FAT4: variants seen among roughly 807,000 people sequenced by gnomAD.
FAT4 encodes FAT atypical cadherin 4.
FAT4 carries 84 observed loss-of-function variants against 303.9 expected under a neutral mutation model. That is an observed-to-expected ratio of 0.28 (90% CI 0.23 to 0.33). The LOEUF (loss-of-function observed/expected upper bound fraction) is 0.33, where lower values mean the gene tolerates loss of function less well. FAT4 is among the 10% of genes least tolerant of loss of function. The probability of loss-of-function intolerance (pLI) is 1.00; values close to 1 mark genes in which losing one functional copy is unlikely to be tolerated. For synonymous variants in FAT4, 2,307 were observed against 2,298.8 expected (o/e 1.00, Z -0.10); for missense variants, 6,005 against 6,146.8 (o/e 0.98, Z 0.77).
intron 7 of FAT4, among the ~76,000 whole-genome samples, chr4:125,419,478 T>TA (rs1335558102): frequency 6.6e-6 from 1 of 152,216 alleles, no homozygotes; most frequent in Non-Finnish European, 1.5e-5. Context: ...GCTGGGGTAG[T>TA]ATGATAGCTT....
rs1374779549 is a variant in FAT4, at chr4:125,317,772, C to A, written c.1361C>A (p.Ala454Glu). The A allele has an allele frequency of 1.9e-6, 3 of 1,614,168 alleles. No individual in the cohort carries two copies. The highest frequency in any genetic ancestry group is 1.6e-4 in the Middle Eastern group (1 of 6,062). ...GCGCCCCCTGGCGCAGCAGTCCAGG[C>A]GCGCTCTTCTGTGGCAAGCCTGGTG... ...YGAPPGAAVQ[A>E]RSSVASLVIF... The change falls in exon 2 of 18, where the codon GCG becomes GAG. Residue 454 changes from alanine (A) to glutamate (E), a missense_variant. Transcript: ENST00000394329. This position sits in a 1 kb window ranked among gnomAD's most constrained non-coding sequence, Gnocchi z 7.0.
chr4:125,321,626 T>A, intron 2 of FAT4, 40 bp downstream of exon 2: 1 of 1,525,434 alleles, frequency 6.6e-7, no homozygotes, highest in South Asian at 1.3e-5. Flanking sequence ...TTGATTTGCT[T>A]TTTAGAAAAA....
At chr4:125,477,857 A>G (rs1727086287) in intron 14 of FAT4, among the ~76,000 whole-genome samples, 1 of 152,160 alleles carries the variant, frequency 6.6e-6, no homozygotes, top group African/African-American at 2.4e-5. Context: ...GATGTTAGAA[A>G]TTACATATTT....
intron 3 of FAT4, among the ~76,000 whole-genome samples, chr4:125,400,822 T>C (rs931174887): frequency 9.9e-5 from 15 of 152,010 alleles, no homozygotes; most frequent in Non-Finnish European, 1.5e-5. Flanking sequence ...GAAGTACTTT[T>C]GAGATGAGAC....
Position 125,434,249 on chromosome 4 carries a change from C to T in FAT4, c.7023C>T (p.Ser2341=). Residue 2341 remains serine, a synonymous_variant, in exon 8 of 18, where the codon TCC becomes TCT. Transcript: ENST00000394329. The part of the protein sequence containing the change: ...VLMITATDSG[S]PALTGTGTIN... ...TTGATTTTCTTTTCTTTTTAGGATC[C>T]CCTGCCTTGACTGGAACTGGAACAA... The T allele has an allele frequency of 6.2e-7, 1 of 1,608,760 alleles. No homozygotes were observed. The highest frequency in any genetic ancestry group is 8.5e-7 in the Non-Finnish European group (1 of 1,177,354).
At chr4:125,463,805 T>C (rs551538315) in intron 11 of FAT4, 138 bp downstream of exon 11, 39 of 515,198 alleles carry the variant, frequency 7.6e-5, no homozygotes, top group Middle Eastern at 5.4e-4. Flanking sequence ...AAATCTTAAA[T>C]GTTTAACATT....
chr4:125,319,323 TG>T lies in FAT4; in HGVS notation c.2915del (p.Gly972ValfsTer11). Reference protein sequence around the residue: ...SYQIEILASDMGVPQLSSSVI... With the variant: ...SYQIEILASDXGVPQLSSSVI... ...CAAATAGAGATCTTGGCATCTGACA[TG>T]GGTGTCCCACAGCTCTCCTCTAGTG... On this transcript the variant is annotated frameshift_variant, in exon 2 of 18. Coordinates refer to ENST00000394329, the MANE Select transcript of FAT4 (RefSeq NM_001291303.3). LOFTEE classifies it high-confidence loss of function. 1 of 1,614,008 alleles carries T rather than the reference TG, an allele frequency of 6.2e-7. No individual in the cohort carries two copies. The highest frequency in any genetic ancestry group is 8.5e-7 in the Non-Finnish European group (1 of 1,179,954).
intron 2 of FAT4, among the ~76,000 whole-genome samples, chr4:125,321,983 C>G (rs1730973115): frequency 6.6e-6 from 1 of 152,124 alleles, no homozygotes; most frequent in African/African-American, 2.4e-5. Context: ...AAATGAAGAG[C>G]TTTGGTAGGA....
At chr4:125,325,022 A>C (rs1371493766) in intron 2 of FAT4, among the ~76,000 whole-genome samples, 1 of 152,058 alleles carries the variant, frequency 6.6e-6, no homozygotes, top group Admixed American at 6.6e-5. Flanking sequence ...TGGGCAATAT[A>C]TTGCAATATG....
intron 2 of FAT4, among the ~76,000 whole-genome samples, chr4:125,353,291 A>G (rs1732301652): frequency 6.6e-6 from 1 of 151,806 alleles, no homozygotes; most frequent in Non-Finnish European, 1.5e-5. Flanking sequence ...CCAAAACATT[A>G]CTTCATCACA....
chr4:125,487,534 G>T lies in FAT4; in HGVS notation c.13012G>T (p.Gly4338Cys). Reference protein sequence around the residue: ...RDIIHPTQDFGGLDVLTISLG... With the variant: ...RDIIHPTQDFCGLDVLTISLG... Reference sequence around the variant, plus strand: ...TATTATCCACCCTACTCAGGACTTCGGTGGCCTTGATGTGCTTACTATATC... The same window carrying T: ...TATTATCCACCCTACTCAGGACTTCTGTGGCCTTGATGTGCTTACTATATC... Residue 4338 changes from glycine (G) to cysteine (C), a missense_variant, in exon 17 of 18, where the codon GGT becomes TGT. By Grantham distance (159) the Gly-to-Cys change is radical. Coordinates refer to ENST00000394329, the MANE Select transcript of FAT4 (RefSeq NM_001291303.3). 1 of 1,613,758 alleles carries T rather than the reference G, an allele frequency of 6.2e-7. No individual in the cohort carries two copies. The highest frequency in any genetic ancestry group is 8.5e-7 in the Non-Finnish European group (1 of 1,179,852).
intron 10 of FAT4, among the ~76,000 whole-genome samples, chr4:125,454,834 C>A (rs1251305279): frequency 6.6e-6 from 1 of 152,074 alleles, no homozygotes; most frequent in East Asian, 1.9e-4. Context: ...GACTCCATTT[C>A]AAAACAAACA....
In FAT4 at chr4:125,487,141, G is replaced by A. The variant is rs188082378; in HGVS notation, c.12823-204G>A. Among the ~76,000 whole-genome samples, 12 of 152,206 alleles carry A rather than the reference G, an allele frequency of 7.9e-5. No homozygotes were observed. In the East Asian group the frequency reaches 1.5e-3, roughly 20 times the overall value. On this transcript the variant is annotated intron_variant, in intron 16 of 17. Coordinates refer to ENST00000394329, the MANE Select transcript of FAT4 (RefSeq NM_001291303.3). ...AAATTAGGTATACATATAAGAATACGTTGAAAACCATTGAAACTTAAATGT... is the reference window on the plus strand; with the variant it reads ...AAATTAGGTATACATATAAGAATACATTGAAAACCATTGAAACTTAAATGT...
At chr4:125,366,623 G>A (rs1198589356) in intron 2 of FAT4, among the ~76,000 whole-genome samples, 1 of 152,112 alleles carries the variant, frequency 6.6e-6, no homozygotes, top group Non-Finnish European at 1.5e-5. Context: ...CCCAGTAATG[G>A]GATTGCTGGG....
chr4:125,451,247 G>T lies in FAT4; in HGVS notation c.10237G>T (p.Val3413Leu). The change falls in exon 10 of 18, where the codon GTG (valine) becomes TTG (leucine). Residue 3413 changes from valine to leucine, a missense_variant. Physicochemically the swap from Val to Leu is conservative, Grantham distance 32. Transcript: ENST00000394329. ...PPIFTLNIYS[V>L]QISEGVPIGT... ...CATTTTTACTCTAAACATCTACAGT[G>T]TGCAGATCAGTGAAGGGGTCCCAAT... is the stretch of plus-strand genomic sequence containing the variant. 6.2e-7 allele frequency: 1 copy of T among 1,614,100 alleles called. No homozygotes were observed. Among genetic ancestry groups the T allele is most frequent in the South Asian group, 1.1e-5 (1 of 91,082 alleles).
chr4:125,452,252 A>G lies in FAT4; in HGVS notation c.11242A>G (p.Thr3748Ala). ...IASSQLTGLG[T>A]AVQLYSAYEE... ...CAGCTCACAGCTGACAGGCTTAGGG[A>G]CTGCTGTGCAACTGTACAGTGCATA... Residue 3748 changes from threonine (T) to alanine (A), a missense_variant, in exon 10 of 18, where the codon ACT (threonine) becomes GCT (alanine). Transcript: ENST00000394329. 6.2e-7 allele frequency: 1 copy of G among 1,614,208 alleles called. No homozygotes were observed. The highest frequency in any genetic ancestry group is 8.5e-7 in the Non-Finnish European group (1 of 1,180,032).
chr4:125,371,531 A>G (rs1733113944), intron 2 of FAT4, among the ~76,000 whole-genome samples: 1 of 151,716 alleles, frequency 6.6e-6, no homozygotes, highest in Non-Finnish European at 1.5e-5. Flanking sequence ...TAAGTGCTAT[A>G]AGTAATAATA....
Position 125,319,761 on chromosome 4 carries a change from C to G in FAT4, c.3350C>G (p.Ser1117Trp). The change falls in exon 2 of 18, where the codon TCG (serine) becomes TGG (tryptophan). Residue 1117 changes from serine (S) to tryptophan (W), a missense_variant. Physicochemically the swap from Ser to Trp is radical, Grantham distance 177. Coordinates refer to ENST00000394329, the MANE Select transcript of FAT4 (RefSeq NM_001291303.3). ...TTCGAAGAAGAGCAGAGGGCTGGGTCGTTTGTGGGCAAAGTAAGTGCTGTA... is the reference window on the plus strand; with the variant it reads ...TTCGAAGAAGAGCAGAGGGCTGGGTGGTTTGTGGGCAAAGTAAGTGCTGTA... ...FYFEEEQRAG[S>W]FVGKVSAVDK... The G allele has an allele frequency of 6.2e-7, 1 of 1,614,160 alleles. No individual in the cohort carries two copies.
intron 2 of FAT4, among the ~76,000 whole-genome samples, chr4:125,350,606 G>A (rs531057286): frequency 6.6e-5 from 10 of 151,742 alleles, no homozygotes; most frequent in Admixed American, 2.0e-4. Flanking sequence ...CATTCAGTCC[G>A]AATGTTCCTA....
Sources: gnomAD v4.1 joint callset for allele counts (sites outside exome capture counted in the v4.1 genomes callset) on GRCh38, gnomAD v4.1.1 for gene constraint, Gnocchi (gnomAD v3.1) non-coding constraint, MANE v1.5 for transcripts, NCBI Gene and HGNC (gene_info 2026-07-23, HGNC 2026-07-21) for gene names.